Variants in SREBF2 observed in about 807,000 individuals in gnomAD.
The protein encoded by SREBF2 is sterol regulatory element binding transcription factor 2, also known as sterol regulatory element-binding protein 2.
In SREBF2, 55 loss-of-function variants were observed where a neutral mutation model predicts 113.1. That is an observed-to-expected ratio of 0.49 (90% CI 0.39 to 0.61). SREBF2 has a LOEUF of 0.61. Ranked by LOEUF, SREBF2 falls within the 20% of genes least tolerant of loss-of-function variation. The probability of loss-of-function intolerance (pLI) is 0.00; values close to 1 mark genes in which losing one functional copy is unlikely to be tolerated. For synonymous variants in SREBF2, 593 were observed against 605.7 expected (o/e 0.98, Z 0.31); for missense variants, 1,349 against 1,487.4 (o/e 0.91, Z 1.53).
chr22:41,898,927 G>A lies in SREBF2; in HGVS notation c.2738+146G>A, dbSNP rs954335905. ...GGGCGGCTAGAAAAGTCGGGGGTGA[G>A]GGCACCATGGAGAACTCAAGTTGGG... On this transcript the variant is annotated intron_variant, in intron 15 of 18. Transcript: ENST00000361204. 1.5e-5 allele frequency: 18 copies of A among 1,200,036 alleles called. No individual in the cohort carries two copies. In the East Asian group the frequency reaches 1.6e-4, roughly 10 times the overall value. The allele number at this position is 1,200,036 out of a possible 1,614,324, so 74.3% of individuals were successfully genotyped here.
In SREBF2 at chr22:41,900,377, C is replaced by T. The variant is rs200826207; in HGVS notation, c.2786C>T (p.Ala929Val). 3.7e-4 allele frequency: 599 copies of T among 1,613,842 alleles called. 8 individuals are homozygous for T. The South Asian group carries it at 5.7e-3, about 15-fold the overall frequency. The change falls in exon 16 of 19, where the codon GCC (alanine) becomes GTC (valine). Residue 929 changes from alanine (A) to valine (V), a missense_variant. Coordinates refer to ENST00000361204, the MANE Select transcript of SREBF2 (RefSeq NM_004599.4). ...AIFHACRAMHASLPGKADGQQ... is the reference protein window; with the variant it reads ...AIFHACRAMHVSLPGKADGQQ... ...TTCCATGCCTGCAGAGCCATGCATG[C>T]CTCACTCCCTGGGAAAGCAGATGGG...
In SREBF2 at chr22:41,905,668, G is replaced by C. The variant is rs1015769878; in HGVS notation, c.*8G>C. 3 of 1,566,402 alleles carry C rather than the reference G, an allele frequency of 1.9e-6. No homozygotes were observed. The highest frequency in any genetic ancestry group is 1.9e-5 in the Admixed American group (1 of 53,150). On this transcript the variant is annotated 3_prime_UTR_variant, in exon 19 of 19. Coordinates refer to ENST00000361204, the MANE Select transcript of SREBF2 (RefSeq NM_004599.4). ...GCCATTGCCGCCTCCTGACCACCAG[G>C]CTCAGCCCACCCCTCCACCTCTCTC...
Position 41,868,783 on chromosome 22 carries a change from G to T in SREBF2, c.711G>T (p.Gln237His). 1 of 1,610,422 alleles carries T rather than the reference G, an allele frequency of 6.2e-7. No homozygotes were observed. The highest frequency in any genetic ancestry group is 8.5e-7 in the Non-Finnish European group (1 of 1,178,386). Residue 237 changes from glutamine to histidine, a missense_variant, in exon 3 of 19, where the codon CAG becomes CAT. Around this residue, in one of 2 missense-constraint regions of SREBF2, gnomAD observed 699 missense variants for 843.3 expected, o/e 0.83. Coordinates refer to ENST00000361204, the MANE Select transcript of SREBF2 (RefSeq NM_004599.4). ...AGACAGTTGCTGCGCCACAGGTGCA[G>T]CAGGTCCCGGTAAGTGGCTGGAAAG... is the stretch of plus-strand genomic sequence containing the variant. ...TVQTVAAPQV[Q>H]QVPVLVQPQI...
At chr22:41,901,498 T>C (rs1602351048) in intron 16 of SREBF2, among the ~76,000 whole-genome samples, 1 of 152,142 alleles carries the variant, frequency 6.6e-6, no homozygotes, top group African/African-American at 2.4e-5. Flanking sequence ...CCGTTTGTAC[T>C]AAAAATACAA....
intron 13 of SREBF2, 34 bp from the exon 14 acceptor site, chr22:41,897,018 T>G (rs775192946): frequency 6.7e-7 from 1 of 1,500,534 alleles, no homozygotes; most frequent in Admixed American, 1.8e-5. Context: ...TGTATATGTT[T>G]TGATGTACAT....
rs1409579397 is a variant in SREBF2, at chr22:41,834,249, A to G, written c.88+891A>G. ...GTTTTTTTATACCCCTCCTTTCAAGAAAGAGTCCAGTTGACTAGGCTAGTA... is the reference window on the plus strand; with the variant it reads ...GTTTTTTTATACCCCTCCTTTCAAGGAAGAGTCCAGTTGACTAGGCTAGTA... On this transcript the variant is annotated intron_variant, in intron 1 of 18. Transcript: ENST00000361204. Among the ~76,000 whole-genome samples, 11 of 152,270 alleles carry G rather than the reference A, an allele frequency of 7.2e-5. No homozygotes were observed. In the South Asian group the frequency reaches 2.3e-3, roughly 32 times the overall value.
intron 1 of SREBF2, among the ~76,000 whole-genome samples, chr22:41,841,391 T>C (rs1286857531): frequency 1.3e-5 from 2 of 152,230 alleles, no homozygotes; most frequent in African/African-American, 4.8e-5. Context: ...CCCATTTTTG[T>C]CTCCTGGTCT....
intron 11 of SREBF2, among the ~76,000 whole-genome samples, chr22:41,890,886 T>C (rs1420011818): frequency 6.6e-6 from 1 of 151,266 alleles, no homozygotes; most frequent in Non-Finnish European, 1.5e-5. Flanking sequence ...CCAGCCTGGG[T>C]GACAGAGCAA....
rs778937935 is a variant in SREBF2, at chr22:41,870,816, A to G, written c.721-73A>G. The G allele has an allele frequency of 3.9e-6, 6 of 1,554,022 alleles. No individual in the cohort carries two copies. In the South Asian group the frequency reaches 4.5e-5, roughly 12 times the overall value. The stretch of plus-strand genomic sequence containing the variant: ...TTTCTCATTCTTTCTTGGAAGGTCT[A>G]TGCAGTAAGAAAGGAATGCATAACA... On this transcript the variant is annotated intron_variant, in intron 3 of 18. Transcript: ENST00000361204.
chr22:41,886,219 A>T (rs1456848645), intron 11 of SREBF2: 1 of 152,216 alleles, frequency 6.6e-6, no homozygotes, highest in African/African-American at 2.4e-5. Context: ...GAGTCCACAG[A>T]CACTGAAGAC....
In SREBF2 at chr22:41,880,708, C is replaced by T; in HGVS notation, c.1762-8C>T. 6.2e-7 allele frequency: 1 copy of T among 1,614,166 alleles called. No homozygotes were observed. The highest frequency in any genetic ancestry group is 1.7e-4 in the Middle Eastern group (1 of 6,042). ...CAGTGACCATTAACACCTTTTGATA[C>T]TTTGTAGGGAGATTTTGCAGCTGCT... is the stretch of plus-strand genomic sequence containing the variant. On this transcript the variant is annotated splice_polypyrimidine_tract_variant and splice_region_variant and intron_variant, in intron 9 of 18. Coordinates refer to ENST00000361204, the MANE Select transcript of SREBF2 (RefSeq NM_004599.4).
intron 8 of SREBF2, 75 bp downstream of exon 8, chr22:41,877,496 T>A: frequency 4.5e-6 from 7 of 1,542,316 alleles, no homozygotes; most frequent in Non-Finnish European, 6.2e-6. Flanking sequence ...TGTACAAACT[T>A]CTTGGCTTGG....
Position 41,905,473 on chromosome 22 carries a change from G to A in SREBF2, c.3239G>A (p.Arg1080Gln), listed in dbSNP as rs199735149. ...EVDAWPGQRE[R>Q]ATAILLACRH... ...GATGCCTGGCCCGGCCAGCGAGAGC[G>A]GGCCACCGCCATCCTGCTGGCCTGC... The change falls in exon 19 of 19, where the codon CGG (arginine) becomes CAG (glutamine). Residue 1080 changes from arginine to glutamine, a missense_variant. Transcript: ENST00000361204. 4.5e-4 allele frequency: 713 copies of A among 1,579,458 alleles called. 2 individuals carry two copies. The African/African-American group carries it at 8.0e-3, about 18-fold the overall frequency.
intron 1 of SREBF2, among the ~76,000 whole-genome samples, chr22:41,835,686 GGCACAATCATA>G (rs1024721405): frequency 6.6e-6 from 1 of 152,070 alleles, no homozygotes; most frequent in Admixed American, 6.6e-5. Context: ...GGAGTGCAGT[GGCACAATCATA>G]GCTCACTGCA....
chr22:41,900,015 T>C (rs2077451526), intron 15 of SREBF2: 3 of 1,286,146 alleles, frequency 2.3e-6, no homozygotes, highest in Non-Finnish European at 2.0e-6. Context: ...GTGGCCACTT[T>C]ATAGGTAAGG....
rs761108810 is a variant in SREBF2, at chr22:41,893,263, A to G, written c.2355A>G (p.Leu785=). 3 of 1,614,200 alleles carry G rather than the reference A, an allele frequency of 1.9e-6. No homozygotes were observed. Among genetic ancestry groups the G allele is most frequent in the Non-Finnish European group, 1.7e-6 (2 of 1,180,032 alleles). The part of the protein sequence containing the change: ...WSVKSAAKES[L]YCAQRNPADP... ...TGAAGTCAGCTGCCAAGGAGAGTCT[A>G]TACTGTGCCCAGAGGAACCCAGGTG... Residue 785 remains leucine, a synonymous_variant, in exon 12 of 19, where the codon CTA becomes CTG. Transcript: ENST00000361204.
At chr22:41,840,352 C>T (rs1262149474) in intron 1 of SREBF2, among the ~76,000 whole-genome samples, 1 of 152,148 alleles carries the variant, frequency 6.6e-6, no homozygotes, top group Admixed American at 6.6e-5. Flanking sequence ...TTTCCTGTCC[C>T]ATCTGATGGC....
chr22:41,840,532 C>A (rs953557269), intron 1 of SREBF2, among the ~76,000 whole-genome samples: 1 of 152,206 alleles, frequency 6.6e-6, no homozygotes, highest in African/African-American at 2.4e-5. Flanking sequence ...GGTAACTCTT[C>A]GAGGCCTTGC....
intron 10 of SREBF2, 60 bp downstream of exon 10, chr22:41,881,052 C>T: frequency 1.9e-6 from 3 of 1,581,072 alleles, no homozygotes; most frequent in Non-Finnish European, 2.6e-6. Context: ...ACCTCTCCTC[C>T]TTAGCTTGAT....
Sources: allele counts gnomAD v4.1 joint callset (sites outside exome capture counted in the v4.1 genomes callset), GRCh38; gene constraint gnomAD v4.1.1; regional missense constraint gnomAD v4.1.1; transcripts MANE v1.5; gene names NCBI Gene and HGNC (gene_info 2026-07-23, HGNC 2026-07-21).